EPHA7: variants seen among roughly 807,000 people sequenced by gnomAD.
The protein encoded by EPHA7 is ephrin type-A receptor 7.
EPHA7 carries 25 observed loss-of-function variants against 112.6 expected under a neutral mutation model. The ratio of observed to expected loss-of-function variants is 0.22; its 90% CI spans 0.16 to 0.31. The LOEUF (loss-of-function observed/expected upper bound fraction) is 0.31. Among genes scored for constraint, EPHA7 ranks in the 10% least tolerant of loss-of-function variants. EPHA7 has a pLI of 1.00. For missense variants in EPHA7, 962 were observed against 1,212.6 expected (o/e 0.79, Z 3.07); for synonymous variants, 437 against 406.5 (o/e 1.07, Z -0.90).
chr6:93,396,702 T>C (rs925575795), intron 3 of EPHA7, among the ~76,000 whole-genome samples: 1 of 151,862 alleles, frequency 6.6e-6, no homozygotes, highest in Non-Finnish European at 1.5e-5. Flanking sequence ...AGCTCTAAAG[T>C]ACTACAATAT....
intron 3 of EPHA7, among the ~76,000 whole-genome samples, chr6:93,358,787 C>T (rs1353354662): frequency 6.6e-6 from 1 of 152,158 alleles, no homozygotes; most frequent in Non-Finnish European, 1.5e-5. Flanking sequence ...TAGAACACTT[C>T]AAGTTATGTT....
intron 5 of EPHA7, among the ~76,000 whole-genome samples, chr6:93,315,929 C>A (rs1362696967): frequency 6.6e-6 from 1 of 152,068 alleles, no homozygotes; most frequent in East Asian, 1.9e-4. Context: ...GGAATATGCA[C>A]CCTAAACTAT....
chr6:93,328,418 T>A (rs1045210464), intron 5 of EPHA7, among the ~76,000 whole-genome samples: 2 of 151,458 alleles, frequency 1.3e-5, no homozygotes, highest in African/African-American at 4.8e-5. Context: ...TGTGAAATGC[T>A]GAATAAATAT....
intron 5 of EPHA7, among the ~76,000 whole-genome samples, chr6:93,303,407 T>C (rs1168523643): frequency 6.6e-6 from 1 of 151,850 alleles, no homozygotes; most frequent in East Asian, 1.9e-4. Flanking sequence ...CTAATAGGGG[T>C]GGGAAGGGGG....
chr6:93,241,176 A>G lies in EPHA7; in HGVS notation c.*2250T>C, dbSNP rs1769673238. 1 of 211,912 alleles carries G rather than the reference A, an allele frequency of 4.7e-6. No homozygotes were observed. Among genetic ancestry groups the G allele is most frequent in the African/African-American group, 2.3e-5 (1 of 44,212 alleles). The allele number at this position is 211,912 out of a possible 1,614,324, so 13.1% of individuals were successfully genotyped here. A position where few individuals can be genotyped will look rare whatever the true frequency, so the allele number is the denominator to read the frequency against. ...TTGCATGTACCATACTATGTCTTCT[A>G]TTTCTAGAATGGCTTTTGTTAATTT... On this transcript the variant is annotated 3_prime_UTR_variant, in exon 17 of 17. Transcript: ENST00000369303.
intron 3 of EPHA7, among the ~76,000 whole-genome samples, chr6:93,409,119 A>C (rs1336885558): frequency 1.3e-5 from 2 of 152,100 alleles, no homozygotes; most frequent in African/African-American, 2.4e-5. Flanking sequence ...GCACAGGTCT[A>C]AACTTTTTAA....
chr6:93,403,261 A>C (rs376102), intron 3 of EPHA7, among the ~76,000 whole-genome samples: 25,009 of 151,970 alleles, frequency 0.16, 2,254 homozygotes, highest in East Asian at 0.31. Context: ...TTGCTTTGCC[A>C]GTGGATAGTT....
At chr6:93,383,767 A>G (rs1777465445) in intron 3 of EPHA7, among the ~76,000 whole-genome samples, 1 of 152,136 alleles carries the variant, frequency 6.6e-6, no homozygotes, top group African/African-American at 2.4e-5. Context: ...GTACCATCAT[A>G]GCTAACTGTA....
At chr6:93,385,080 G>A (rs1317895785) in intron 3 of EPHA7, among the ~76,000 whole-genome samples, 3 of 151,844 alleles carry the variant, frequency 2.0e-5, no homozygotes, top group Admixed American at 1.3e-4. Context: ...TTCCTTTTAG[G>A]GATTAATACA....
chr6:93,260,890 G>C, intron 9 of EPHA7: 52 of 251,218 alleles, frequency 2.1e-4, no homozygotes, highest in South Asian at 4.5e-4. Flanking sequence ...GAGAAGGGAA[G>C]AAAACAATAG....
intron 5 of EPHA7, among the ~76,000 whole-genome samples, chr6:93,286,300 T>C (rs1039216364): frequency 6.6e-6 from 1 of 152,118 alleles, no homozygotes; most frequent in African/African-American, 2.4e-5. Context: ...ATGACATCTA[T>C]ATTGCGGCAT....
chr6:93,277,508 A>G lies in EPHA7; in HGVS notation c.1325-5086T>C, dbSNP rs368232659. Among the ~76,000 whole-genome samples, 22 of 152,084 alleles carry G rather than the reference A, an allele frequency of 1.4e-4. No homozygotes were observed. The East Asian group carries it at 3.5e-3, about 24-fold the overall frequency. On this transcript the variant is annotated intron_variant, in intron 5 of 16. Transcript: ENST00000369303. ...TTTAGCTAAAAAAATAAGTACAGGA[A>G]CTAAGGGTAATTGAACCTGTAGCAA...
At chr6:93,333,117 TA>T (rs1425958145) in intron 5 of EPHA7, among the ~76,000 whole-genome samples, 1 of 151,862 alleles carries the variant, frequency 6.6e-6, no homozygotes, top group Non-Finnish European at 1.5e-5. Flanking sequence ...CTTCCACTTG[TA>T]AGTGAGAACA....
chr6:93,403,530 T>C (rs1279162451), intron 3 of EPHA7, among the ~76,000 whole-genome samples: 1 of 151,862 alleles, frequency 6.6e-6, no homozygotes, highest in Non-Finnish European at 1.5e-5. Context: ...TCCCAGCTAC[T>C]TGGGAGGTGG....
intron 5 of EPHA7, among the ~76,000 whole-genome samples, chr6:93,335,969 C>G (rs959870770): frequency 5.9e-5 from 9 of 152,126 alleles, no homozygotes; most frequent in African/African-American, 1.4e-4. Context: ...ATCTTTCTTG[C>G]TATAACCTAC....
At chr6:93,283,805 C>T (rs953454940) in intron 5 of EPHA7, among the ~76,000 whole-genome samples, 4 of 152,118 alleles carry the variant, frequency 2.6e-5, no homozygotes, top group Admixed American at 6.5e-5. Flanking sequence ...CCCCCAATTC[C>T]GGACACAGTA....
chr6:93,254,559 G>T, intron 14 of EPHA7, 88 bp downstream of exon 14: 2 of 1,012,284 alleles, frequency 2.0e-6, no homozygotes, highest in Non-Finnish European at 2.8e-6. Flanking sequence ...ATTTAAAAGT[G>T]TTCTTAATGA....
intron 5 of EPHA7, among the ~76,000 whole-genome samples, chr6:93,291,947 A>G (rs543408282): frequency 1.3e-5 from 2 of 152,278 alleles, no homozygotes; most frequent in East Asian, 3.9e-4. Context: ...GGTATGTAAC[A>G]TACATGGAAT....
intron 3 of EPHA7, among the ~76,000 whole-genome samples, chr6:93,389,947 G>A (rs1022877102): frequency 1.3e-5 from 2 of 151,898 alleles, no homozygotes; most frequent in Non-Finnish European, 2.9e-5. Context: ...TGATAAAGCA[G>A]TTTGTAAAAG....
Sources: gnomAD v4.1 joint callset for allele counts (sites outside exome capture counted in the v4.1 genomes callset) on GRCh38, gnomAD v4.1.1 for gene constraint, MANE v1.5 for transcripts, NCBI Gene and HGNC (gene_info 2026-07-23, HGNC 2026-07-21) for gene names.